The following KIFBP variants were observed in gnomAD, a reference collection of about 807,000 sequenced individuals.
The protein encoded by KIFBP is KIF-binding protein.
A neutral mutation model predicts 58.9 loss-of-function variants in KIFBP; 46 were observed. The observed-to-expected ratio is 0.78, with a 90% confidence interval of 0.62 to 1.00. The LOEUF (loss-of-function observed/expected upper bound fraction) is 1.00. Ranked by LOEUF, KIFBP falls within the 50% of genes least tolerant of loss-of-function variation. The pLI is 0.00. For synonymous variants in KIFBP, 241 were observed against 283.4 expected, an observed-to-expected ratio of 0.85 and a Z score of 1.50; for missense variants, 651 against 752.9, an observed-to-expected ratio of 0.86 and a Z score of 1.58.
Position 69,016,031 on chromosome 10 carries a change from G to A in KIFBP, c.1481G>A (p.Arg494Lys). The change falls in exon 7 of 7, where the codon AGG (arginine) becomes AAG (lysine). Residue 494 changes from arginine to lysine, a missense_variant. Coordinates refer to ENST00000361983, the MANE Select transcript of KIFBP (RefSeq NM_015634.4). ...MMDLKVAIAD[R>K]LRDPDSHIVK... ...GATTTGAAGGTTGCCATTGCTGACA[G>A]GCTAAGGGATCCTGATTCACACATT... 6.2e-7 allele frequency: 1 copy of A among 1,614,110 alleles called. No homozygotes were observed. Among genetic ancestry groups the A allele is most frequent in the East Asian group, 2.2e-5 (1 of 44,884 alleles).
At chr10:69,010,672 T>A (rs1843580687) in intron 5 of KIFBP, among the ~76,000 whole-genome samples, 1 of 152,188 alleles carries the variant, frequency 6.6e-6, no homozygotes, top group Admixed American at 6.6e-5. Context: ...GATAATGATA[T>A]GAGTAAAGTG....
At chr10:69,005,648 G>C in intron 3 of KIFBP, 84 bp from the exon 4 acceptor site, 1 of 1,064,382 alleles carries the variant, frequency 9.4e-7, no homozygotes, top group Non-Finnish European at 1.4e-6. Flanking sequence ...ACTCCAGCCT[G>C]GGCAACAGAG....
At position 69,010,966 on chromosome 10, in the gene KIFBP, G is replaced by A. The variant is rs1413526451; in HGVS notation, c.941G>A (p.Trp314Ter). ...AGAAAGGGGGAAATAGCAAGGTGCT[G>A]GATCAAATACTGTTTGACTCTCATG... ...HQRKGEIARC[W>*]IKYCLTLMQN... The change falls in exon 6 of 7, where the codon TGG (tryptophan) becomes TAG (stop). Residue 314 changes from tryptophan (W) to a stop codon, truncating the protein, a stop_gained. Transcript: ENST00000361983. LOFTEE classifies it high-confidence loss of function. The A allele has an allele frequency of 6.2e-7, 1 of 1,614,002 alleles. No individual in the cohort carries two copies. The highest frequency in any genetic ancestry group is 1.3e-5 in the African/African-American group (1 of 74,922).
chr10:69,005,634 C>G (rs2132113584), intron 3 of KIFBP, 98 bp from the exon 4 acceptor site: 2 of 919,926 alleles, frequency 2.2e-6, no homozygotes, highest in Non-Finnish European at 3.4e-6. Flanking sequence ...GATCGTGCCA[C>G]TGTACTCCAG....
rs762195530 is a variant in KIFBP at position 69,016,151 on chromosome 10, A to C, written c.1601A>C (p.His534Pro). ...GACCCAAATAAAGTATTCCCTGAGC[A>C]TATAGGGGAAGATGTTCTTCGCCCT... ...LRDPNKVFPE[H>P]IGEDVLRPAM... Residue 534 changes from histidine to proline, a missense_variant, in exon 7 of 7, where the codon CAT (histidine) becomes CCT (proline). Transcript: ENST00000361983. 3.1e-6 allele frequency: 5 copies of C among 1,614,108 alleles called. No homozygotes were observed. Among genetic ancestry groups the C allele is most frequent in the Non-Finnish European group, 3.4e-6 (4 of 1,180,050 alleles).
In KIFBP at chr10:68,989,034, G is replaced by C. The variant is rs201068859; in HGVS notation, c.202G>C (p.Gly68Arg). The C allele has an allele frequency of 1.3e-4, 217 of 1,613,618 alleles. 1 individual carries two copies. In the East Asian group the frequency reaches 4.5e-3, roughly 33 times the overall value. Residue 68 changes from glycine to arginine, a missense_variant, in exon 1 of 7, where the codon GGT (glycine) becomes CGT (arginine). Transcript: ENST00000361983. ...DERPEAEDGP[G>R]AGDHALGLPA... Reference sequence around the variant, plus strand: ...GCGGCCTGAGGCCGAGGACGGCCCGGGTGCCGGTGACCACGCCCTGGGGCT... The same window carrying C: ...GCGGCCTGAGGCCGAGGACGGCCCGCGTGCCGGTGACCACGCCCTGGGGCT...
intron 6 of KIFBP, chr10:69,011,390 ATAT>A (rs143167504): frequency 0.41 from 60,449 of 146,702 alleles, 11,710 homozygotes; most frequent in Non-Finnish European, 0.46. Context: ...GAACGATATC[ATAT>A]TCTTTTTTTT....
rs1589299277 is a variant in KIFBP, at chr10:69,016,609, A to G, written c.*193A>G. ...ATTAAAAACTTACACCTAATTATGT[A>G]AATTGCCTTGTTAAAGACATGTGAT... On this transcript the variant is annotated 3_prime_UTR_variant, in exon 7 of 7. Coordinates refer to ENST00000361983, the MANE Select transcript of KIFBP (RefSeq NM_015634.4). 6.9e-6 allele frequency: 4 copies of G among 577,278 alleles called. No individual in the cohort carries two copies. The East Asian group carries it at 1.1e-4, about 16-fold the overall frequency. The allele number at this position is 577,278 out of a possible 1,614,324, so 35.8% of individuals were successfully genotyped here.
At chr10:68,997,613 C>A (rs1307412021) in intron 1 of KIFBP, among the ~76,000 whole-genome samples, 11 of 151,738 alleles carry the variant, frequency 7.2e-5, no homozygotes, top group Non-Finnish European at 1.2e-4. Context: ...TCAGGTAGTT[C>A]TTTATAGCAA....
intron 1 of KIFBP, among the ~76,000 whole-genome samples, chr10:68,992,110 C>T (rs1239979769): frequency 6.6e-6 from 1 of 152,120 alleles, no homozygotes; most frequent in African/African-American, 2.4e-5. Flanking sequence ...CCTTCCACCT[C>T]AGCCTCCCAA....
Position 69,005,740 on chromosome 10 carries a change from A to C in KIFBP, c.614A>C (p.Lys205Thr). The C allele has an allele frequency of 6.2e-7, 1 of 1,606,612 alleles. No homozygotes were observed. The highest frequency in any genetic ancestry group is 8.5e-7 in the Non-Finnish European group (1 of 1,173,414). The change falls in exon 4 of 7, where the codon AAG becomes ACG. Residue 205 changes from lysine to threonine, a missense_variant. Physicochemically the swap from Lys to Thr is moderately conservative, Grantham distance 78. Coordinates refer to ENST00000361983, the MANE Select transcript of KIFBP (RefSeq NM_015634.4). ...TTATTTTTTCTTTACAGATTTGAAA[A>C]GGTTTATACTCATAACCTATATTAC... ...TEQERSKRFE[K>T]VYTHNLYYLA...
At chr10:69,007,214 A>C (rs1367067981) in intron 4 of KIFBP, among the ~76,000 whole-genome samples, 1 of 152,248 alleles carries the variant, frequency 6.6e-6, no homozygotes, top group Non-Finnish European at 1.5e-5. Flanking sequence ...TGGAGCATGC[A>C]GTAATTTTCA....
chr10:69,008,394 ATATATATATAT>A (rs1564637622), intron 4 of KIFBP, among the ~76,000 whole-genome samples: 3 of 84,470 alleles, frequency 3.6e-5, no homozygotes, highest in African/African-American at 1.7e-4. Flanking sequence ...AAAAAAAAAT[ATATATATATAT>A]ATATATATAT....
At chr10:68,998,773 T>TATATA (rs1228728232) in intron 1 of KIFBP, among the ~76,000 whole-genome samples, 1,385 of 59,684 alleles carry the variant, frequency 0.023, 1 homozygote, top group Non-Finnish European at 0.036. Flanking sequence ...ATATATATAT[T>TATATA]TTTTTTTTTT....
At chr10:69,009,065 C>T (rs373389396) in intron 5 of KIFBP, 140 bp downstream of exon 5, 6 of 673,284 alleles carry the variant, frequency 8.9e-6, no homozygotes, top group East Asian at 5.6e-5. Context: ...ATTTTCCTCG[C>T]TTGGAATCAA....
At chr10:69,004,412 A>T (rs993497966) in intron 2 of KIFBP, among the ~76,000 whole-genome samples, 9 of 152,130 alleles carry the variant, frequency 5.9e-5, no homozygotes, top group African/African-American at 1.9e-4. Flanking sequence ...TACTTCAAGA[A>T]TTATATATGT....
chr10:69,008,391 A>ATAT (rs1554843385), intron 4 of KIFBP, among the ~76,000 whole-genome samples: 7,862 of 71,196 alleles, frequency 0.11, 569 homozygotes, highest in Non-Finnish European at 0.14. Flanking sequence ...AAAAAAAAAA[A>ATAT]ATATATATAT....
intron 1 of KIFBP, among the ~76,000 whole-genome samples, chr10:68,995,760 C>T (rs1843396593): frequency 6.6e-6 from 1 of 152,132 alleles, no homozygotes; most frequent in Non-Finnish European, 1.5e-5. Context: ...TTACTTTTCT[C>T]CTTACCTAGT....
At chr10:68,998,143 G>T (rs994085051) in intron 1 of KIFBP, among the ~76,000 whole-genome samples, 14 of 152,148 alleles carry the variant, frequency 9.2e-5, no homozygotes, top group Non-Finnish European at 1.6e-4. Context: ...TTACTGATTG[G>T]TCATGTTACA....
Sources: gnomAD v4.1 joint callset for allele counts (sites outside exome capture counted in the v4.1 genomes callset) on GRCh38, gnomAD v4.1.1 for gene constraint, MANE v1.5 for transcripts, NCBI Gene and HGNC (gene_info 2026-07-23, HGNC 2026-07-21) for gene names.